The following TTC39B variants were observed in gnomAD, a reference collection of about 807,000 sequenced individuals.
TTC39B encodes tetratricopeptide repeat protein 39B.
Under a neutral mutation model 96.6 loss-of-function variants are expected in TTC39B, and 92 were observed. The ratio of observed to expected loss-of-function variants is 0.95; its 90% CI spans 0.80 to 1.13. The LOEUF is 1.13. Ranked by LOEUF, TTC39B falls within the 50% of genes most tolerant of loss-of-function variation. The pLI, the probability that TTC39B is intolerant of heterozygous loss-of-function variation, is 0.00. For missense variants in TTC39B, 955 were observed against 809.3 expected, an observed-to-expected ratio of 1.18 and a Z score of -2.18; for synonymous variants, 367 against 299.4, an observed-to-expected ratio of 1.23 and a Z score of -2.33.
At chr9:15,236,104 C>G (rs1292711974) in intron 2 of TTC39B, among the ~76,000 whole-genome samples, 1 of 151,982 alleles carries the variant, frequency 6.6e-6, no homozygotes, top group Non-Finnish European at 1.5e-5. Flanking sequence ...CCTTTCGACT[C>G]AAAGTAAAAG....
At chr9:15,192,788 AT>A in intron 8 of TTC39B, 93 bp from the exon 9 acceptor site, 1 of 822,064 alleles carries the variant, frequency 1.2e-6, no homozygotes, top group East Asian at 2.7e-5. Context: ...TATAAAATAA[AT>A]GTCATTAATT....
intron 19 of TTC39B, 52 bp downstream of exon 19, chr9:15,174,967 C>A: frequency 8.8e-7 from 1 of 1,136,294 alleles, no homozygotes. Context: ...TAGAGCAGTA[C>A]TGACATTTCT....
exon 20 of TTC39B, chr9:15,165,344 C>G (rs909758384): frequency 6.6e-6 from 1 of 151,312 alleles, no homozygotes; most frequent in Non-Finnish European, 1.5e-5. Context: ...CAAACTCTGT[C>G]TCAGGGAAAA....
intron 1 of TTC39B, among the ~76,000 whole-genome samples, chr9:15,281,427 T>G (rs1349004157): frequency 2.0e-5 from 3 of 152,104 alleles, no homozygotes; most frequent in African/African-American, 7.2e-5. Flanking sequence ...GTCCAAATAC[T>G]GGACCACTCA....
chr9:15,208,250 C>G (rs915736349), intron 6 of TTC39B, among the ~76,000 whole-genome samples: 5 of 151,704 alleles, frequency 3.3e-5, no homozygotes, highest in African/African-American at 4.8e-5. Flanking sequence ...GTCTGTAACT[C>G]CTGACCTTGT....
intron 2 of TTC39B, among the ~76,000 whole-genome samples, chr9:15,252,763 G>GT (rs1822610179): frequency 6.6e-6 from 1 of 152,216 alleles, no homozygotes; most frequent in Admixed American, 6.5e-5. Context: ...CGATACTAAT[G>GT]TAAGATACTA....
chr9:15,214,143 G>A, exon 4 of TTC39B: 1 of 1,611,194 alleles, frequency 6.2e-7, no homozygotes, highest in Non-Finnish European at 8.5e-7. Context: ...AATTACCAGG[G>A]GCGAAGCAAT....
At position 15,206,138 on chromosome 9, in the gene TTC39B, T is replaced by C. The variant is rs111612778; in HGVS notation, c.692-2248A>G. On this transcript the variant is annotated intron_variant, in intron 6 of 19. Transcript: ENST00000512701. Reference sequence around the variant, plus strand: ...GCATGAGAGTTTGAACTTTGTATTCTGCAAATAAGTATCTGTCATATTAAA... The same window carrying C: ...GCATGAGAGTTTGAACTTTGTATTCCGCAAATAAGTATCTGTCATATTAAA... 1.8e-3 allele frequency among the ~76,000 whole-genome samples: 277 copies of C among 152,326 alleles called. 2 individuals are homozygous for C. The highest frequency in any genetic ancestry group is 6.1e-3 in the African/African-American group (253 of 41,552).
chr9:15,236,409 G>T (rs1409786072), intron 2 of TTC39B, among the ~76,000 whole-genome samples: 3 of 152,172 alleles, frequency 2.0e-5, no homozygotes, highest in Non-Finnish European at 4.4e-5. Flanking sequence ...TCACTAGACA[G>T]ATCATCGAGG....
chr9:15,235,416 C>A (rs1821731517), intron 2 of TTC39B, among the ~76,000 whole-genome samples: 4 of 152,092 alleles, frequency 2.6e-5, no homozygotes, highest in African/African-American at 9.7e-5. Context: ...AGGAAACTCC[C>A]TAATCTTTCT....
chr9:15,187,627 T>C (rs1307212804), intron 14 of TTC39B, among the ~76,000 whole-genome samples: 1 of 152,216 alleles, frequency 6.6e-6, no homozygotes, highest in East Asian at 1.9e-4. Flanking sequence ...GCCTAGCTAA[T>C]GTTTTTATTT....
chr9:15,281,648 AAAT>A (rs1383312587), intron 1 of TTC39B, among the ~76,000 whole-genome samples: 4,862 of 142,492 alleles, frequency 0.034, 87 homozygotes, highest in African/African-American at 0.062. Flanking sequence ...AAAAAAAAAA[AAAT>A]GGCAAAAAGC....
At chr9:15,261,381 G>A (rs1417407219) in intron 2 of TTC39B, among the ~76,000 whole-genome samples, 3 of 152,046 alleles carry the variant, frequency 2.0e-5, no homozygotes, top group Non-Finnish European at 4.4e-5. Flanking sequence ...GAGGCTAGGT[G>A]GGAGGAGCAC....
At position 15,283,791 on chromosome 9, in the gene TTC39B, T is replaced by A. The variant is rs111242665; in HGVS notation, c.241-15843A>T. Among the ~76,000 whole-genome samples the A allele has an allele frequency of 1.7e-3, 255 of 152,286 alleles. 1 individual carries two copies. Among genetic ancestry groups the A allele is most frequent in the African/African-American group, 5.7e-3 (238 of 41,562 alleles). Reference sequence around the variant, plus strand: ...TAGAGAGAAAATATTTAATAACTGATGCTAAGGATATTGGTTGTCTACTAA... The same window carrying A: ...TAGAGAGAAAATATTTAATAACTGAAGCTAAGGATATTGGTTGTCTACTAA... On this transcript the variant is annotated intron_variant, in intron 1 of 19. Coordinates refer to ENST00000512701, the Ensembl canonical transcript of TTC39B.
chr9:15,165,903 C>G lies in TTC39B; in HGVS notation c.*6116G>C, dbSNP rs559973165. 5 of 152,242 alleles carry G rather than the reference C, an allele frequency of 3.3e-5. No individual in the cohort carries two copies. In the East Asian group the frequency reaches 9.7e-4, roughly 29 times the overall value. 9.4% of individuals were successfully genotyped at this position (152,242 alleles called of 1,614,324 possible). A position where few individuals can be genotyped will look rare whatever the true frequency, so the allele number is the denominator to read the frequency against. ...CACAGCACTTCAAAATAATACAATT[C>G]CTTTAAAAATGAAATAATATTCTTT... On this transcript the variant is annotated 3_prime_UTR_variant, in exon 20 of 20. Transcript: ENST00000512701.
chr9:15,234,362 G>C (rs945036437), intron 2 of TTC39B, among the ~76,000 whole-genome samples: 15 of 143,992 alleles, frequency 1.0e-4, no homozygotes, highest in Non-Finnish European at 1.8e-4. Flanking sequence ...GAGGTGGGGG[G>C]GTCAGCCCCC....
exon 20 of TTC39B, chr9:15,166,515 C>G (rs1169158723): frequency 6.6e-6 from 1 of 152,202 alleles, no homozygotes; most frequent in East Asian, 1.9e-4. Context: ...CTTCAACAGT[C>G]CTCTAAGAGG....
chr9:15,274,452 C>A (rs941216776), intron 1 of TTC39B, among the ~76,000 whole-genome samples: 1 of 152,178 alleles, frequency 6.6e-6, no homozygotes, highest in Non-Finnish European at 1.5e-5. Flanking sequence ...TCTTTGATGG[C>A]AAATGTAATA....
At chr9:15,204,240 A>AACTT (rs1819713068) in intron 6 of TTC39B, among the ~76,000 whole-genome samples, 1 of 152,202 alleles carries the variant, frequency 6.6e-6, no homozygotes, top group African/African-American at 2.4e-5. Flanking sequence ...TAGTAACATA[A>AACTT]AACTTTGGCT....
Sources: gnomAD v4.1 joint callset for allele counts (sites outside exome capture counted in the v4.1 genomes callset) on GRCh38, gnomAD v4.1.1 for gene constraint, MANE v1.5 for transcripts, NCBI Gene and HGNC (gene_info 2026-07-23, HGNC 2026-07-21) for gene names.